Variants in RGS7 observed in about 807,000 individuals in gnomAD.
RGS7 encodes regulator of G protein signaling 7, also known as regulator of G-protein signaling 7.
Under a neutral mutation model 81.1 loss-of-function variants are expected in RGS7, and 27 were observed. The observed-to-expected ratio is 0.33, with a 90% CI of 0.25 to 0.46. RGS7 has a LOEUF of 0.46. Ranked by LOEUF, RGS7 falls within the 20% of genes least tolerant of loss-of-function variation. RGS7 has a pLI of 1.00. For synonymous variants in RGS7, 208 were observed against 207.7 expected, an observed-to-expected ratio of 1.00 and a Z score of -0.01; for missense variants, 396 against 607.4, an observed-to-expected ratio of 0.65 and a Z score of 3.66.
At chr1:240,849,345 G>A (rs867347905) in intron 9 of RGS7, among the ~76,000 whole-genome samples, 39 of 152,250 alleles carry the variant, frequency 2.6e-4, no homozygotes, top group Middle Eastern at 6.8e-3. Context: ...TTAGTGGAAG[G>A]AATCCTGAGC....
chr1:240,777,934 A>G (rs111477780), intron 18 of RGS7, among the ~76,000 whole-genome samples: 16 of 97,036 alleles, frequency 1.6e-4, no homozygotes, highest in Non-Finnish European at 1.2e-4. Flanking sequence ...AAAGGCCCTG[A>G]CTCCTAATAC....
intron 3 of RGS7, among the ~76,000 whole-genome samples, chr1:241,054,290 T>C (rs114804045): frequency 0.03 from 4,506 of 152,308 alleles, 102 homozygotes; most frequent in Non-Finnish European, 0.044. Flanking sequence ...GGAGCTACAC[T>C]GAGAGATGGC....
chr1:241,037,458 T>A (rs888820977), intron 3 of RGS7, among the ~76,000 whole-genome samples: 1 of 152,138 alleles, frequency 6.6e-6, no homozygotes, highest in Non-Finnish European at 1.5e-5. Flanking sequence ...CAGTGGCTCA[T>A]GCCTGTAATC....
intron 2 of RGS7, among the ~76,000 whole-genome samples, chr1:241,230,675 A>G (rs569512675): frequency 6.6e-6 from 1 of 151,792 alleles, no homozygotes; most frequent in South Asian, 2.1e-4. Context: ...CATTAAGTAC[A>G]ATGACGCAGG....
chr1:241,102,899 C>T (rs2064858808), intron 2 of RGS7, among the ~76,000 whole-genome samples: 2 of 151,876 alleles, frequency 1.3e-5, no homozygotes, highest in South Asian at 2.1e-4. Flanking sequence ...CTCGAGCATT[C>T]ACTCAGAGTC....
chr1:241,213,898 G>T (rs2074395964), intron 2 of RGS7, among the ~76,000 whole-genome samples: 2 of 152,086 alleles, frequency 1.3e-5, no homozygotes, highest in Non-Finnish European at 2.9e-5. Flanking sequence ...CCAATTAGCT[G>T]GGACTACAGG....
At chr1:241,009,273 T>C (rs1203448052) in intron 3 of RGS7, among the ~76,000 whole-genome samples, 1 of 152,226 alleles carries the variant, frequency 6.6e-6, no homozygotes, top group Non-Finnish European at 1.5e-5. Context: ...ATGGAAAATA[T>C]TATAATCCGG....
chr1:241,337,404 C>A (rs2082305253), intron 2 of RGS7, among the ~76,000 whole-genome samples: 1 of 152,056 alleles, frequency 6.6e-6, no homozygotes, highest in Non-Finnish European at 1.5e-5. Flanking sequence ...AGACCCCACA[C>A]AATTGGGAAA....
intron 2 of RGS7, among the ~76,000 whole-genome samples, chr1:241,183,747 TGTA>T (rs2071840284): frequency 6.6e-6 from 1 of 152,268 alleles, no homozygotes; most frequent in South Asian, 2.1e-4. Flanking sequence ...AGAGGCTCTA[TGTA>T]GTAAAACAGT....
intron 2 of RGS7, 139 bp downstream of exon 2, chr1:241,355,560 C>A: frequency 1.3e-6 from 1 of 786,920 alleles, no homozygotes; most frequent in Non-Finnish European, 2.3e-6. Context: ...AGATCACTTT[C>A]ACGTATATAG....
chr1:241,308,703 T>C lies in RGS7; in HGVS notation c.78+46996A>G, dbSNP rs575807515. Among the ~76,000 whole-genome samples the C allele has an allele frequency of 3.9e-5, 6 of 152,278 alleles. No individual in the cohort carries two copies. The South Asian group carries it at 8.3e-4, about 21-fold the overall frequency. ...CCAGCACGCTCTCCAGGCCTGTTCA[T>C]TGATTCATGCTGCAAGTACTTACAG... On this transcript the variant is annotated intron_variant, in intron 2 of 18. Coordinates refer to ENST00000440928, the MANE Select transcript of RGS7 (RefSeq NM_001364886.1).
chr1:241,078,485 A>ATG lies in RGS7; in HGVS notation c.175+20179_175+20180dup, dbSNP rs60742879. 1.3e-3 allele frequency among the ~76,000 whole-genome samples: 185 copies of ATG among 143,604 alleles called. 2 individuals are homozygous for ATG. The highest frequency in any genetic ancestry group is 0.011 in the Middle Eastern group (3 of 268). 94.2% of individuals were successfully genotyped at this position (143,604 alleles called of 152,430 possible). A position where few individuals can be genotyped will look rare whatever the true frequency, so the allele number is the denominator to read the frequency against. On this transcript the variant is annotated intron_variant, in intron 3 of 18. Coordinates refer to ENST00000440928, the MANE Select transcript of RGS7 (RefSeq NM_001364886.1). ...CATAATGCACACACACACGTAAGTT[A>ATG]TGTGTGTGTGTGTGTGTATATACAC...
chr1:240,805,117 G>A (rs565912069), intron 15 of RGS7, among the ~76,000 whole-genome samples: 2 of 152,270 alleles, frequency 1.3e-5, no homozygotes, highest in African/African-American at 4.8e-5. Context: ...GCTTATGCCT[G>A]TAATCCCAGC....
chr1:240,801,555 T>C (rs1438973630), intron 16 of RGS7, 47 bp from the exon 17 acceptor site: 1 of 1,307,832 alleles, frequency 7.6e-7, no homozygotes, highest in Non-Finnish European at 1.1e-6. Flanking sequence ...AAGGGAAGAT[T>C]AAAAAAAAGA....
intron 2 of RGS7, among the ~76,000 whole-genome samples, chr1:241,214,836 T>C (rs1558196554): frequency 6.6e-6 from 1 of 152,148 alleles, no homozygotes; most frequent in African/African-American, 2.4e-5. Context: ...ATTTCAGTTC[T>C]TAGATTTACA....
At chr1:240,899,984 C>T (rs1669712909) in intron 6 of RGS7, among the ~76,000 whole-genome samples, 1 of 152,128 alleles carries the variant, frequency 6.6e-6, no homozygotes, top group Non-Finnish European at 1.5e-5. Flanking sequence ...TTGTTCATTT[C>T]TTTATACTCT....
At chr1:241,149,737 T>C (rs1201560380) in intron 2 of RGS7, among the ~76,000 whole-genome samples, 2 of 152,198 alleles carry the variant, frequency 1.3e-5, no homozygotes, top group African/African-American at 2.4e-5. Flanking sequence ...GCATGTTCAA[T>C]AGTGACTGAC....
chr1:241,040,859 C>T (rs534151661), intron 3 of RGS7, among the ~76,000 whole-genome samples: 21 of 152,236 alleles, frequency 1.4e-4, no homozygotes, highest in African/African-American at 4.8e-4. Context: ...CTTGCCCTGG[C>T]TATTATAAAT....
At chr1:241,052,706 C>T (rs2061314071) in intron 3 of RGS7, among the ~76,000 whole-genome samples, 1 of 139,528 alleles carries the variant, frequency 7.2e-6, no homozygotes, top group African/African-American at 2.7e-5. Flanking sequence ...AACAATTCCC[C>T]CCCAAAGTAT....
Sources: gnomAD v4.1 joint callset for allele counts (sites outside exome capture counted in the v4.1 genomes callset) on GRCh38, gnomAD v4.1.1 for gene constraint, MANE v1.5 for transcripts, NCBI Gene and HGNC (gene_info 2026-07-23, HGNC 2026-07-21) for gene names.